ATP9A: variants seen among roughly 807,000 people sequenced by gnomAD.
The protein encoded by ATP9A is ATPase phospholipid transporting 9A.
Under a neutral mutation model 144.1 loss-of-function variants are expected in ATP9A, and 52 were observed. That is an observed-to-expected ratio of 0.36 (90% CI 0.29 to 0.45). The LOEUF is 0.45. Among genes scored for constraint, ATP9A ranks in the 20% least tolerant of loss-of-function variants. The pLI, the probability that ATP9A is intolerant of heterozygous loss-of-function variation, is 1.00. For synonymous variants in ATP9A, 582 were observed against 557.4 expected (o/e 1.04, Z -0.62); for missense variants, 947 against 1,392.7 (o/e 0.68, Z 5.09).
intron 14 of ATP9A, among the ~76,000 whole-genome samples, chr20:51,649,783 A>G (rs1964827): frequency 0.75 from 114,067 of 151,846 alleles, 43,445 homozygotes; most frequent in Middle Eastern, 0.83. Context: ...GCGTGGTGGT[A>G]GATGCCTGTA....
Position 51,735,108 on chromosome 20 carries a change from G to T in ATP9A, c.69-5130C>A, listed in dbSNP as rs543988240. ...AACATGAGGACAGAAGGATTGGTAT[G>T]ACCTCTGGGCTGCCGTCTGCATGGG... On this transcript the variant is annotated intron_variant, in intron 1 of 27. Transcript: ENST00000338821. 155 of 168,198 alleles carry T rather than the reference G, an allele frequency of 9.2e-4. 1 individual carries two copies. The highest frequency in any genetic ancestry group is 1.7e-3 in the Non-Finnish European group (132 of 76,356). 10.4% of individuals were successfully genotyped at this position (168,198 alleles called of 1,614,324 possible).
rs1214056706 is a variant in ATP9A, at chr20:51,639,443, G to A, written c.1568C>T (p.Ser523Phe). 1 of 1,614,024 alleles carries A rather than the reference G, an allele frequency of 6.2e-7. No homozygotes were observed. Among genetic ancestry groups the A allele is most frequent in the Admixed American group, 1.7e-5 (1 of 60,004 alleles). Residue 523 changes from serine (S) to phenylalanine (F), a missense_variant, in exon 15 of 28, where the codon TCC becomes TTC. By Grantham distance (155) the Ser-to-Phe change is radical. This residue lies in a region of ATP9A where 770 missense variants were observed against 1,047.9 expected (regional missense o/e 0.73). Coordinates refer to ENST00000338821, the MANE Select transcript of ATP9A (RefSeq NM_006045.3). ...GTCGCCAGGGGTCCTCAGCTGCATG[G>A]AAGACTGGTCTCGGCCCACCAGGGT... ...GLTLVGRDQSSMQLRTPGDQI... is the reference protein window; with the variant it reads ...GLTLVGRDQSFMQLRTPGDQI...
intron 24 of ATP9A, among the ~76,000 whole-genome samples, chr20:51,609,598 G>A (rs971682405): frequency 6.6e-6 from 1 of 152,174 alleles, no homozygotes; most frequent in African/African-American, 2.4e-5. Flanking sequence ...AAAGGCCCAA[G>A]TGACACCATC....
chr20:51,694,653 G>C (rs117459720), intron 6 of ATP9A, among the ~76,000 whole-genome samples: 1 of 152,174 alleles, frequency 6.6e-6, no homozygotes, highest in South Asian at 2.1e-4. Flanking sequence ...TGATTCGTGC[G>C]CAGAGTTCAG....
intron 1 of ATP9A, among the ~76,000 whole-genome samples, chr20:51,753,784 A>G (rs1375054915): frequency 2.0e-5 from 3 of 150,336 alleles, no homozygotes; most frequent in Non-Finnish European, 4.4e-5. Context: ...CTCCTGACTC[A>G]GCCTCCCAAG....
intron 23 of ATP9A, among the ~76,000 whole-genome samples, chr20:51,610,834 G>C (rs942606036): frequency 2.6e-5 from 4 of 152,196 alleles, no homozygotes; most frequent in African/African-American, 9.7e-5. Context: ...TTCGGTATTT[G>C]GGGAAATTTT....
chr20:51,637,702 T>TG (rs2077298578), intron 15 of ATP9A, among the ~76,000 whole-genome samples: 1 of 151,336 alleles, frequency 6.6e-6, no homozygotes, highest in African/African-American at 2.4e-5. Context: ...GCACTCTGTT[T>TG]TTTTTTTTTT....
At chr20:51,644,136 A>AAAAT (rs1440649082) in intron 14 of ATP9A, among the ~76,000 whole-genome samples, 55 of 152,244 alleles carry the variant, frequency 3.6e-4, no homozygotes, top group African/African-American at 1.2e-3. Flanking sequence ...CTCTGCCTCA[A>AAAAT]AAATAAATAA....
intron 4 of ATP9A, among the ~76,000 whole-genome samples, chr20:51,707,627 C>T (rs1488242494): frequency 1.3e-5 from 2 of 152,196 alleles, no homozygotes; most frequent in African/African-American, 4.8e-5. Flanking sequence ...TTTGGAGCCA[C>T]TACTTTCAAC....
Position 51,657,003 on chromosome 20 carries a change from G to C in ATP9A, c.1441C>G (p.Gln481Glu). The change falls in exon 14 of 28, where the codon CAG (glutamine) becomes GAG (glutamate). Residue 481 changes from glutamine to glutamate, a missense_variant. By Grantham distance (29) the Gln-to-Glu change is conservative. This residue lies in a region of ATP9A where 770 missense variants were observed against 1,047.9 expected (regional missense o/e 0.73). Transcript: ENST00000338821. ...PVYESNGVTD[Q>E]AEAEKQYEDS... ...TCGTACTGCTTCTCGGCCTCAGCCT[G>C]ATCAGTCACACCGTTGGACTCATAC... 6.2e-7 allele frequency: 1 copy of C among 1,614,208 alleles called. No homozygotes were observed. Among genetic ancestry groups the C allele is most frequent in the Non-Finnish European group, 8.5e-7 (1 of 1,180,042 alleles).
intron 3 of ATP9A, among the ~76,000 whole-genome samples, chr20:51,716,091 T>C (rs2122854587): frequency 6.6e-6 from 1 of 152,248 alleles, no homozygotes; most frequent in Non-Finnish European, 1.5e-5. Context: ...ATGTTCCATA[T>C]CTTGATTGAG....
At chr20:51,708,269 A>C (rs1281500408) in intron 4 of ATP9A, among the ~76,000 whole-genome samples, 1 of 151,052 alleles carries the variant, frequency 6.6e-6, no homozygotes, top group Non-Finnish European at 1.5e-5. Context: ...CCTGGGCAAC[A>C]TGGCGAAATC....
chr20:51,699,237 G>A (rs998032411), intron 4 of ATP9A, among the ~76,000 whole-genome samples: 1 of 150,278 alleles, frequency 6.7e-6, no homozygotes, highest in Non-Finnish European at 1.5e-5. Context: ...AGCTACTGAG[G>A]CAGGAGAATC....
intron 3 of ATP9A, among the ~76,000 whole-genome samples, chr20:51,716,658 G>C (rs541693566): frequency 5.9e-5 from 9 of 151,436 alleles, no homozygotes; most frequent in African/African-American, 2.2e-4. Context: ...TCTGTCTCAG[G>C]GGCAAAAAAT....
At chr20:51,728,488 C>T (rs1013974695) in intron 2 of ATP9A, among the ~76,000 whole-genome samples, 24 of 151,916 alleles carry the variant, frequency 1.6e-4, no homozygotes, top group Admixed American at 5.9e-4. Flanking sequence ...ATTAGCCGGG[C>T]GTGGTGGCGG....
intron 11 of ATP9A, among the ~76,000 whole-genome samples, chr20:51,673,284 G>A (rs1461194298): frequency 2.0e-5 from 3 of 152,076 alleles, no homozygotes; most frequent in Non-Finnish European, 4.4e-5. Flanking sequence ...TGAGGCAGGA[G>A]AATCACTTGA....
intron 19 of ATP9A, among the ~76,000 whole-genome samples, chr20:51,621,298 A>G (rs944671816): frequency 6.6e-6 from 1 of 152,160 alleles, no homozygotes; most frequent in African/African-American, 2.4e-5. Context: ...ACCTGCCTCT[A>G]TACAATACTA....
intron 3 of ATP9A, among the ~76,000 whole-genome samples, chr20:51,724,320 C>T (rs1466081585): frequency 6.6e-6 from 1 of 152,130 alleles, no homozygotes; most frequent in Non-Finnish European, 1.5e-5. Context: ...ATCTATTCTG[C>T]CCTCTCCATA....
At chr20:51,664,406 T>C (rs565734255) in intron 13 of ATP9A, among the ~76,000 whole-genome samples, 17 of 151,834 alleles carry the variant, frequency 1.1e-4, no homozygotes, top group African/African-American at 4.1e-4. Context: ...GGGCAAATGG[T>C]AACACCCCCT....
Sources: allele counts gnomAD v4.1 joint callset (sites outside exome capture counted in the v4.1 genomes callset), GRCh38; gene constraint gnomAD v4.1.1; regional missense constraint gnomAD v4.1.1; transcripts MANE v1.5; gene names NCBI Gene and HGNC (gene_info 2026-07-23, HGNC 2026-07-21).